DLGAP2: variants seen among roughly 807,000 people sequenced by gnomAD.
DLGAP2 encodes DLG associated protein 2.
A neutral mutation model predicts 100.3 loss-of-function variants in DLGAP2; 26 were observed. That is an observed-to-expected ratio of 0.26 (90% CI 0.19 to 0.36). The LOEUF (loss-of-function observed/expected upper bound fraction) is 0.36, where lower values mean the gene tolerates loss of function less well. DLGAP2 is among the 10% of genes least tolerant of loss of function. The pLI is 1.00. For missense variants in DLGAP2, 1,858 were observed against 1,453.2 expected (o/e 1.28, Z -4.53); for synonymous variants, 886 against 630.1 (o/e 1.41, Z -6.08).
At chr8:1,527,770 C>A (rs1800841682) in intron 4 of DLGAP2, among the ~76,000 whole-genome samples, 1 of 152,150 alleles carries the variant, frequency 6.6e-6, no homozygotes, top group Non-Finnish European at 1.5e-5. Context: ...CCTGCCACCC[C>A]CCTCAGGGGG....
chr8:1,149,173 C>T (rs911574787), intron 2 of DLGAP2, among the ~76,000 whole-genome samples: 17 of 152,068 alleles, frequency 1.1e-4, no homozygotes, highest in Admixed American at 5.2e-4. Flanking sequence ...TGAGATGGAG[C>T]CTCGCTCTGT....
chr8:1,344,069 AT>A (rs1801483769), intron 3 of DLGAP2, among the ~76,000 whole-genome samples: 1 of 47,568 alleles, frequency 2.1e-5, no homozygotes, highest in Non-Finnish European at 4.0e-5. Flanking sequence ...TAATGGAGTA[AT>A]GCCTGCAAAT....
At chr8:1,307,622 T>C (rs963295114) in intron 3 of DLGAP2, among the ~76,000 whole-genome samples, 1 of 152,072 alleles carries the variant, frequency 6.6e-6, no homozygotes, top group Non-Finnish European at 1.5e-5. Flanking sequence ...ACGTGTGCAA[T>C]AGACACGTAA....
chr8:923,398 T>C (rs897522990), intron 2 of DLGAP2, among the ~76,000 whole-genome samples: 3 of 152,238 alleles, frequency 2.0e-5, no homozygotes, highest in Admixed American at 1.3e-4. Context: ...TGGATTGTGA[T>C]GCCCACGAGG....
chr8:1,303,024 G>C (rs2116999666), intron 3 of DLGAP2, among the ~76,000 whole-genome samples: 1 of 152,342 alleles, frequency 6.6e-6, no homozygotes, highest in East Asian at 1.9e-4. Context: ...CCTTCGTAAG[G>C]ACACAGATGG....
chr8:1,421,867 G>T (rs1038121741), intron 3 of DLGAP2, among the ~76,000 whole-genome samples: 2 of 151,870 alleles, frequency 1.3e-5, no homozygotes. Flanking sequence ...AAGAGGCTCT[G>T]AGGCAGGAGA....
At chr8:846,464 G>A (rs1019435886) in intron 1 of DLGAP2, among the ~76,000 whole-genome samples, 1 of 152,170 alleles carries the variant, frequency 6.6e-6, no homozygotes, top group Non-Finnish European at 1.5e-5. Context: ...AAAGTGAAAG[G>A]ATTCCACTTT....
chr8:754,901 T>C (rs1820885417), intron 1 of DLGAP2, among the ~76,000 whole-genome samples: 1 of 152,200 alleles, frequency 6.6e-6, no homozygotes, highest in Non-Finnish European at 1.5e-5. Flanking sequence ...CCAAGATACA[T>C]ATTTTTAGTC....
intron 2 of DLGAP2, among the ~76,000 whole-genome samples, chr8:912,067 C>A (rs972203754): frequency 1.3e-5 from 2 of 152,192 alleles, no homozygotes; most frequent in Non-Finnish European, 2.9e-5. Flanking sequence ...CCTCACACAG[C>A]CTTTATCCTG....
chr8:844,594 C>T (rs546512900), intron 1 of DLGAP2, among the ~76,000 whole-genome samples: 2 of 152,320 alleles, frequency 1.3e-5, no homozygotes, highest in East Asian at 3.9e-4. Flanking sequence ...CCTTCCCAGC[C>T]ATGCTGTCCT....
chr8:1,292,357 A>G (rs1381010442), intron 3 of DLGAP2, among the ~76,000 whole-genome samples: 3 of 152,294 alleles, frequency 2.0e-5, no homozygotes, highest in East Asian at 1.9e-4. Context: ...TCAGAGTCCC[A>G]TCAGCCACCT....
At chr8:1,176,598 CGACAGGGG>C (rs1563232507) in intron 2 of DLGAP2, among the ~76,000 whole-genome samples, 141 of 151,808 alleles carry the variant, frequency 9.3e-4, no homozygotes, top group African/African-American at 3.1e-3. Flanking sequence ...ATCCAGTGCA[CGACAGGGG>C]TCGTGTTTCC....
intron 6 of DLGAP2, among the ~76,000 whole-genome samples, chr8:1,584,301 G>A (rs73671235): frequency 0.044 from 6,677 of 152,258 alleles, 499 homozygotes; most frequent in African/African-American, 0.15. Context: ...TTTAAAAGAC[G>A]TGTGCAAAGC....
intron 2 of DLGAP2, among the ~76,000 whole-genome samples, chr8:1,061,107 A>C (rs1210615079): frequency 1.3e-5 from 2 of 152,224 alleles, no homozygotes; most frequent in African/African-American, 2.4e-5. Flanking sequence ...CCCATCCACC[A>C]GGTCTGTTTT....
At chr8:1,294,725 T>A (rs1191964431) in intron 3 of DLGAP2, among the ~76,000 whole-genome samples, 1 of 152,164 alleles carries the variant, frequency 6.6e-6, no homozygotes, top group Admixed American at 6.5e-5. Flanking sequence ...TTATTTTGGC[T>A]GGGTGTGGTG....
At chr8:1,416,761 T>C (rs1796896768) in intron 3 of DLGAP2, among the ~76,000 whole-genome samples, 1 of 152,160 alleles carries the variant, frequency 6.6e-6, no homozygotes, top group African/African-American at 2.4e-5. Context: ...GTTGGCTGCT[T>C]AAGAGGAGAG....
intron 3 of DLGAP2, among the ~76,000 whole-genome samples, chr8:1,377,666 A>G (rs377682728): frequency 9.2e-5 from 14 of 152,220 alleles, no homozygotes; most frequent in African/African-American, 3.1e-4. Context: ...GCCTGTGAGG[A>G]GGGCCTTGCC....
chr8:1,587,619 C>G (rs957987314), intron 6 of DLGAP2, among the ~76,000 whole-genome samples: 4 of 151,990 alleles, frequency 2.6e-5, no homozygotes, highest in Non-Finnish European at 5.9e-5. Context: ...GCAATTTTGA[C>G]TTTGATTTCC....
At position 1,096,359 on chromosome 8, in the gene DLGAP2, G is replaced by A. The variant is rs113243492; in HGVS notation, c.74-162492G>A. Among the ~76,000 whole-genome samples the A allele has an allele frequency of 8.5e-5, 13 of 152,328 alleles. No individual in the cohort carries two copies. The South Asian group carries it at 1.0e-3, about 12-fold the overall frequency. On this transcript the variant is annotated intron_variant, in intron 2 of 14. Transcript: ENST00000637795. The stretch of plus-strand genomic sequence containing the variant: ...GGGCACCAGCATTTAAATGCATTCC[G>A]GGGCATGTTCATCATCAAGAGCTTT...
Sources: gnomAD v4.1 joint callset for allele counts (sites outside exome capture counted in the v4.1 genomes callset) on GRCh38, gnomAD v4.1.1 for gene constraint, MANE v1.5 for transcripts, NCBI Gene and HGNC (gene_info 2026-07-23, HGNC 2026-07-21) for gene names.